Variants in GRM7 observed in about 807,000 individuals in gnomAD.
GRM7 encodes the protein metabotropic glutamate receptor 7.
A neutral mutation model predicts 84.5 loss-of-function variants in GRM7; 35 were observed. The observed-to-expected ratio is 0.41, with a 90% CI of 0.32 to 0.55. GRM7 has a LOEUF of 0.55. Ranked by LOEUF, GRM7 falls within the 20% of genes least tolerant of loss-of-function variation. The pLI, the probability that GRM7 is intolerant of heterozygous loss-of-function variation, is 0.19. For synonymous variants in GRM7, 487 were observed against 455.1 expected (o/e 1.07, Z -0.89); for missense variants, 1,003 against 1,194.6 (o/e 0.84, Z 2.36).
At chr3:7,150,815 T>C (rs567561071) in intron 2 of GRM7, among the ~76,000 whole-genome samples, 23 of 152,346 alleles carry the variant, frequency 1.5e-4, no homozygotes, top group Admixed American at 1.1e-3. Context: ...TAAATGTTTA[T>C]GATAGCATGT....
At chr3:6,890,080 C>T (rs564567500) in intron 1 of GRM7, among the ~76,000 whole-genome samples, 68 of 152,078 alleles carry the variant, frequency 4.5e-4, no homozygotes, top group African/African-American at 1.5e-3. Flanking sequence ...GTGGTGATAT[C>T]CCCTTTATCA....
At chr3:6,908,668 A>G (rs149422395) in intron 1 of GRM7, among the ~76,000 whole-genome samples, 4 of 152,276 alleles carry the variant, frequency 2.6e-5, no homozygotes, top group African/African-American at 9.6e-5. Flanking sequence ...TGAGGACACT[A>G]AGACTATGGC....
At position 7,351,930 on chromosome 3, in the gene GRM7, A is replaced by C. The variant is rs568538873; in HGVS notation, c.1033+45278A>C. Among the ~76,000 whole-genome samples, 18 of 151,974 alleles carry C rather than the reference A, an allele frequency of 1.2e-4. No homozygotes were observed. The South Asian group carries it at 3.3e-3, about 28-fold the overall frequency. On this transcript the variant is annotated intron_variant, in intron 4 of 9. Transcript: ENST00000357716. ...CTGGGAGACACATTACTGGCTTCTC[A>C]TTCTGTAGCTTGTGAATGGCCTATC... is the stretch of plus-strand genomic sequence containing the variant.
At chr3:7,268,503 C>T (rs1178011375) in intron 2 of GRM7, among the ~76,000 whole-genome samples, 1 of 152,084 alleles carries the variant, frequency 6.6e-6, no homozygotes, top group East Asian at 1.9e-4. Flanking sequence ...AATAAACTCA[C>T]AATGGATGTG....
intron 2 of GRM7, among the ~76,000 whole-genome samples, chr3:7,276,286 T>G (rs1405417124): frequency 6.6e-6 from 1 of 151,036 alleles, no homozygotes; most frequent in African/African-American, 2.4e-5. Flanking sequence ...AAACATTGCT[T>G]TGATCTAAGG....
At chr3:7,258,501 A>T (rs1413485738) in intron 2 of GRM7, among the ~76,000 whole-genome samples, 1 of 152,210 alleles carries the variant, frequency 6.6e-6, no homozygotes, top group African/African-American at 2.4e-5. Context: ...AGAGATACAC[A>T]TCCGTCTAAA....
intron 2 of GRM7, among the ~76,000 whole-genome samples, chr3:7,228,363 A>G (rs975016999): frequency 6.6e-6 from 1 of 152,222 alleles, no homozygotes; most frequent in Non-Finnish European, 1.5e-5. Flanking sequence ...AGCATTAATG[A>G]AAATCAAATT....
chr3:7,680,348 G>C (rs550871936), intron 9 of GRM7, 53 bp downstream of exon 9: 35 of 1,584,982 alleles, frequency 2.2e-5, no homozygotes, highest in Middle Eastern at 1.7e-4. Flanking sequence ...GGAAGCTCTA[G>C]AAGATGTGGG....
chr3:7,290,932 C>G (rs1699597956), intron 2 of GRM7, among the ~76,000 whole-genome samples: 2 of 152,082 alleles, frequency 1.3e-5, no homozygotes, highest in Non-Finnish European at 2.9e-5. Flanking sequence ...CTCAGTACCT[C>G]TATCACCAAA....
chr3:7,491,145 T>G (rs559483434), intron 7 of GRM7, among the ~76,000 whole-genome samples: 1 of 152,020 alleles, frequency 6.6e-6, no homozygotes, highest in East Asian at 1.9e-4. Context: ...GGTTATCTAT[T>G]TTTGCTTTTT....
chr3:7,574,202 C>T lies in GRM7; in HGVS notation c.1516-4220C>T, dbSNP rs1694844325. ...TGAGATGGAGTTTTGCTGTGTTGCC[C>T]AGGCTGGAGTGCAGAGGCACAATAA... is the stretch of plus-strand genomic sequence containing the variant. On this transcript the variant is annotated intron_variant, in intron 7 of 9. Coordinates refer to ENST00000357716, the MANE Select transcript of GRM7 (RefSeq NM_000844.4). 4.0e-5 allele frequency among the ~76,000 whole-genome samples: 6 copies of T among 148,622 alleles called. No homozygotes were observed. The South Asian group carries it at 1.1e-3, about 26-fold the overall frequency.
chr3:7,142,485 T>C (rs967412135), intron 1 of GRM7, among the ~76,000 whole-genome samples: 15 of 152,036 alleles, frequency 9.9e-5, no homozygotes, highest in African/African-American at 3.6e-4. Context: ...AAGAGCGCCT[T>C]ATAAAATCAT....
intron 1 of GRM7, among the ~76,000 whole-genome samples, chr3:6,870,308 G>T (rs961598751): frequency 6.6e-6 from 1 of 152,130 alleles, no homozygotes; most frequent in Non-Finnish European, 1.5e-5. Flanking sequence ...AAGCAAGGGA[G>T]TTGGCATAGT....
chr3:7,578,205 T>C (rs563729384), intron 7 of GRM7, among the ~76,000 whole-genome samples: 5 of 152,220 alleles, frequency 3.3e-5, no homozygotes, highest in East Asian at 1.9e-4. Flanking sequence ...ATTCTTAAGA[T>C]CTGGCACGTT....
At chr3:7,250,951 G>A (rs1020562162) in intron 2 of GRM7, among the ~76,000 whole-genome samples, 3 of 152,102 alleles carry the variant, frequency 2.0e-5, no homozygotes, top group Admixed American at 2.0e-4. Flanking sequence ...TTGATTATTA[G>A]CTAGAGAAAC....
At chr3:7,710,266 C>T (rs189426292) in intron 9 of GRM7, among the ~76,000 whole-genome samples, 74 of 152,116 alleles carry the variant, frequency 4.9e-4, no homozygotes, top group Admixed American at 3.6e-3. Flanking sequence ...CAAAAGAATG[C>T]GTAATGCAAA....
chr3:7,065,364 G>A (rs954989350), intron 1 of GRM7, among the ~76,000 whole-genome samples: 1 of 151,828 alleles, frequency 6.6e-6, no homozygotes, highest in African/African-American at 2.4e-5. Flanking sequence ...ATTGAGTTTT[G>A]TATAAGGTGA....
chr3:7,009,039 A>T (rs1032197707), intron 1 of GRM7, among the ~76,000 whole-genome samples: 2 of 152,204 alleles, frequency 1.3e-5, no homozygotes, highest in African/African-American at 4.8e-5. Context: ...CTAGTGACTT[A>T]TCCTTAAAGA....
At chr3:7,384,172 G>A (rs1227952297) in intron 4 of GRM7, among the ~76,000 whole-genome samples, 1 of 152,018 alleles carries the variant, frequency 6.6e-6, no homozygotes, top group Non-Finnish European at 1.5e-5. Context: ...GGGACAGTAG[G>A]CACACGCCAC....
Sources: gnomAD v4.1 joint callset for allele counts (sites outside exome capture counted in the v4.1 genomes callset) on GRCh38, gnomAD v4.1.1 for gene constraint, MANE v1.5 for transcripts, NCBI Gene and HGNC (gene_info 2026-07-23, HGNC 2026-07-21) for gene names.